Variants in SEPTIN9 observed in about 807,000 individuals in gnomAD.
SEPTIN9 encodes the protein septin-9.
Under a neutral mutation model 56.6 loss-of-function variants are expected in SEPTIN9, and 13 were observed. The ratio of observed to expected loss-of-function variants is 0.23; its 90% CI spans 0.15 to 0.37. The LOEUF (loss-of-function observed/expected upper bound fraction) is 0.37, where lower values mean the gene tolerates loss of function less well. Ranked by LOEUF, SEPTIN9 falls within the 10% of genes least tolerant of loss-of-function variation. SEPTIN9 has a pLI of 1.00. For missense variants in SEPTIN9, 650 were observed against 823.1 expected (o/e 0.79, Z 2.57); for synonymous variants, 332 against 334.1 (o/e 0.99, Z 0.07).
At chr17:77,385,164 C>CTTTT (rs530528683) in intron 2 of SEPTIN9, among the ~76,000 whole-genome samples, 1 of 123,500 alleles carries the variant, frequency 8.1e-6, no homozygotes, top group African/African-American at 3.0e-5. Context: ...AGACCCCCAC[C>CTTTT]TTTTTTTTTT....
intron 2 of SEPTIN9, among the ~76,000 whole-genome samples, chr17:77,345,309 A>G: frequency 6.6e-6 from 1 of 152,130 alleles, no homozygotes; most frequent in East Asian, 1.9e-4. Context: ...AAAATGGTAA[A>G]TTTTCTGTGA....
rs951617547 is a variant in SEPTIN9 at position 77,452,778 on chromosome 17, G to A, written c.722-29366G>A. On this transcript the variant is annotated intron_variant, in intron 3 of 11. Coordinates refer to ENST00000427177, the MANE Select transcript of SEPTIN9 (RefSeq NM_001113491.2). ...GCCTTGAAACTTAATGGGGCCACGT[G>A]TGTTTCCATGAATGTCATTCTCTTT... 3.3e-4 allele frequency among the ~76,000 whole-genome samples: 50 copies of A among 151,466 alleles called. 1 individual carries two copies. Among genetic ancestry groups the A allele is most frequent in the Non-Finnish European group, 1.6e-4 (11 of 67,922 alleles).
intron 2 of SEPTIN9, chr17:77,375,059 C>T (rs1330620869): frequency 1.4e-5 from 2 of 141,662 alleles, no homozygotes; most frequent in African/African-American, 5.2e-5. Flanking sequence ...CCCCACAACA[C>T]CTCCTCATCT....
chr17:77,398,013 A>T (rs2035780857), intron 2 of SEPTIN9, among the ~76,000 whole-genome samples: 1 of 146,304 alleles, frequency 6.8e-6, no homozygotes, highest in African/African-American at 2.5e-5. Context: ...TCACTCTGTC[A>T]TCCAGGCTGG....
chr17:77,301,855 C>G (rs545212296), intron 1 of SEPTIN9, among the ~76,000 whole-genome samples: 2 of 152,278 alleles, frequency 1.3e-5, no homozygotes, highest in Non-Finnish European at 2.9e-5. Flanking sequence ...CTGTCCAGGC[C>G]TCATTCATTG....
intron 2 of SEPTIN9, among the ~76,000 whole-genome samples, chr17:77,386,835 A>G (rs983989218): frequency 6.6e-6 from 1 of 152,214 alleles, no homozygotes; most frequent in African/African-American, 2.4e-5. Context: ...TGCTGGGGGC[A>G]CAGTGCCTGC....
rs2033250656 is a variant in SEPTIN9 at position 77,329,065 on chromosome 17, G to A, written c.76+21868G>A. The stretch of plus-strand genomic sequence containing the variant: ...GTGGCTGGAGTGTGTTTTCAGAGAC[G>A]GGCCATGGTGACACCAATGCGACAG... On this transcript the variant is annotated intron_variant, in intron 2 of 11. Coordinates refer to ENST00000427177, the MANE Select transcript of SEPTIN9 (RefSeq NM_001113491.2). The surrounding 1 kb of genome is among the most constrained non-coding windows in gnomAD (Gnocchi z 4.3). 1.3e-5 allele frequency among the ~76,000 whole-genome samples: 2 copies of A among 152,184 alleles called. No individual in the cohort carries two copies. The highest frequency in any genetic ancestry group is 6.5e-5 in the Admixed American group (1 of 15,292).
At chr17:77,460,262 G>A (rs2038407449) in intron 3 of SEPTIN9, among the ~76,000 whole-genome samples, 1 of 152,158 alleles carries the variant, frequency 6.6e-6, no homozygotes, top group Non-Finnish European at 1.5e-5. Flanking sequence ...CTCAGGGATG[G>A]GAGGCTGGTC....
intron 3 of SEPTIN9, among the ~76,000 whole-genome samples, chr17:77,480,082 G>A (rs1044418857): frequency 4.6e-5 from 7 of 152,174 alleles, no homozygotes; most frequent in African/African-American, 1.4e-4. Context: ...TGGGGGCCAC[G>A]TGGGGGCACA....
At chr17:77,457,220 G>A (rs1007054636) in intron 3 of SEPTIN9, among the ~76,000 whole-genome samples, 3 of 152,094 alleles carry the variant, frequency 2.0e-5, no homozygotes, top group South Asian at 2.1e-4. Flanking sequence ...ATACAGCCTC[G>A]GCCCTCGCTC....
chr17:77,300,504 AG>A (rs1211633236), intron 1 of SEPTIN9, among the ~76,000 whole-genome samples: 1 of 152,148 alleles, frequency 6.6e-6, no homozygotes, highest in Non-Finnish European at 1.5e-5. Flanking sequence ...GGAGGAGAAG[AG>A]GGAGGTGGCC....
At chr17:77,287,624 C>G (rs2031339049) in intron 1 of SEPTIN9, among the ~76,000 whole-genome samples, 1 of 152,238 alleles carries the variant, frequency 6.6e-6, no homozygotes, top group Non-Finnish European at 1.5e-5. Flanking sequence ...AGCCCAGTTT[C>G]TCTCTGCTTT....
rs947857496 is a variant in SEPTIN9 at position 77,311,094 on chromosome 17, C to T, written c.76+3897C>T. On this transcript the variant is annotated intron_variant, in intron 2 of 11. Coordinates refer to ENST00000427177, the MANE Select transcript of SEPTIN9 (RefSeq NM_001113491.2). The stretch of plus-strand genomic sequence containing the variant: ...GGATTAGGGTGGGCCCTAAATCCAA[C>T]AACTGGTGTCCTTAAAAGAAGCAGA... Among the ~76,000 whole-genome samples, 10 of 152,168 alleles carry T rather than the reference C, an allele frequency of 6.6e-5. No homozygotes were observed. The South Asian group carries it at 2.1e-3, about 32-fold the overall frequency.
chr17:77,451,399 G>T lies in SEPTIN9; in HGVS notation c.722-30745G>T. 2.0e-6 allele frequency: 2 copies of T among 985,594 alleles called. No homozygotes were observed. The highest frequency in any genetic ancestry group is 9.4e-5 in the South Asian group (2 of 21,272). 61.1% of individuals were successfully genotyped at this position (985,594 alleles called of 1,614,324 possible). On this transcript the variant is annotated intron_variant, in intron 3 of 11. Coordinates refer to ENST00000427177, the MANE Select transcript of SEPTIN9 (RefSeq NM_001113491.2). This position sits in a 1 kb window ranked among gnomAD's most constrained non-coding sequence, Gnocchi z 4.2. ...AGGTCCCTCCCTACCTCTGCCCCGC[G>T]CTCTGGGAGGCTCCTTGTTCCGCGA...
At chr17:77,470,799 T>G (rs1249533479) in intron 3 of SEPTIN9, 1 of 152,302 alleles carries the variant, frequency 6.6e-6, no homozygotes, top group Admixed American at 6.5e-5. Flanking sequence ...AAATGCGTCA[T>G]AAGCTTTCAT....
intron 2 of SEPTIN9, among the ~76,000 whole-genome samples, chr17:77,368,815 T>C (rs2143889608): frequency 6.6e-6 from 1 of 152,364 alleles, no homozygotes; most frequent in African/African-American, 2.4e-5. Flanking sequence ...CTTAGGTTTT[T>C]TGCAACATTT....
At chr17:77,409,714 C>A (rs894461137) in intron 3 of SEPTIN9, among the ~76,000 whole-genome samples, 2 of 152,190 alleles carry the variant, frequency 1.3e-5, no homozygotes, top group African/African-American at 4.8e-5. Context: ...TACCCGCCGC[C>A]TCCCAGGCCC....
intron 3 of SEPTIN9, chr17:77,444,891 G>GA (rs2037677700): frequency 2.9e-6 from 1 of 346,484 alleles, no homozygotes; most frequent in Admixed American, 4.4e-5. Context: ...CAGACAGGGA[G>GA]AAAGTTCACA....
At chr17:77,320,483 G>A (rs922741474) in intron 2 of SEPTIN9, 71 of 828,632 alleles carry the variant, frequency 8.6e-5, no homozygotes, top group Non-Finnish European at 1.4e-4. Flanking sequence ...TCTTTTTGAC[G>A]GTTCCAAGCT....
Sources: allele counts gnomAD v4.1 joint callset (sites outside exome capture counted in the v4.1 genomes callset), GRCh38; gene constraint gnomAD v4.1.1; non-coding constraint Gnocchi (gnomAD v3.1); transcripts MANE v1.5; gene names NCBI Gene and HGNC (gene_info 2026-07-23, HGNC 2026-07-21).